Variants in TRERF1 observed in about 807,000 individuals in gnomAD.
TRERF1 encodes the protein transcriptional regulating factor 1.
Under a neutral mutation model 122.9 loss-of-function variants are expected in TRERF1, and 27 were observed. That is an observed-to-expected ratio of 0.22 (90% CI 0.16 to 0.30). TRERF1 has a LOEUF of 0.30. Ranked by LOEUF, TRERF1 falls within the 10% of genes least tolerant of loss-of-function variation. TRERF1 has a pLI of 1.00. For missense variants in TRERF1, 1,248 were observed against 1,560.3 expected (o/e 0.80, Z 3.37); for synonymous variants, 636 against 641.7 (o/e 0.99, Z 0.13).
chr6:42,269,113 T>G lies in TRERF1; in HGVS notation c.478A>C (p.Asn160His). 1 of 1,614,220 alleles carries G rather than the reference T, an allele frequency of 6.2e-7. No individual in the cohort carries two copies. The stretch of plus-strand genomic sequence containing the variant: ...GTGTGCAGCACCTGGGCCATATTGT[T>G]GACCTGAATTCGCAGGTTTTGGTTG... Residue 160 changes from asparagine to histidine, a missense_variant, in exon 5 of 18, where the codon AAC becomes CAC. Around this residue, in one of 5 missense-constraint regions of TRERF1, gnomAD observed 946 missense variants for 1,073.0 expected, o/e 0.88. Transcript: ENST00000372922. The surrounding 1 kb of genome is among the most constrained non-coding windows in gnomAD (Gnocchi z 4.9).
chr6:42,287,743 C>A (rs1235783641), intron 4 of TRERF1, among the ~76,000 whole-genome samples: 1 of 152,190 alleles, frequency 6.6e-6, no homozygotes, highest in African/African-American at 2.4e-5. Context: ...TCCTGCACAG[C>A]CTTTCCCTGG....
chr6:42,447,451 A>T (rs1362161757), intron 2 of TRERF1, among the ~76,000 whole-genome samples: 1 of 152,226 alleles, frequency 6.6e-6, no homozygotes, highest in Non-Finnish European at 1.5e-5. Flanking sequence ...TCCTCTCTCC[A>T]CAAAAGAAAT....
intron 5 of TRERF1, among the ~76,000 whole-genome samples, chr6:42,266,890 T>C (rs1356158088): frequency 1.3e-5 from 2 of 152,240 alleles, no homozygotes; most frequent in Non-Finnish European, 2.9e-5. Flanking sequence ...ATCTGCTCTC[T>C]AGTTCACAGT....
chr6:42,388,736 T>A (rs950736780), intron 2 of TRERF1, among the ~76,000 whole-genome samples: 2 of 152,080 alleles, frequency 1.3e-5, no homozygotes, highest in African/African-American at 4.8e-5. Context: ...ATCGGCTTGG[T>A]TTTTAAAAAT....
chr6:42,410,638 C>T (rs1780977382), intron 2 of TRERF1, among the ~76,000 whole-genome samples: 1 of 152,164 alleles, frequency 6.6e-6, no homozygotes, highest in Admixed American at 6.5e-5. Context: ...TCAGTCCCCC[C>T]TCCCTCCATC....
intron 3 of TRERF1, among the ~76,000 whole-genome samples, chr6:42,328,010 T>C (rs1764600416): frequency 1.5e-5 from 2 of 137,098 alleles, no homozygotes; most frequent in East Asian, 3.3e-4. Context: ...CTTTCTTTTT[T>C]TTTTTTTTTT....
intron 10 of TRERF1, among the ~76,000 whole-genome samples, chr6:42,257,472 A>C (rs1776986762): frequency 1.3e-5 from 2 of 152,244 alleles, no homozygotes; most frequent in South Asian, 4.1e-4. Flanking sequence ...TATCTCTTTC[A>C]GATCACTTTC....
chr6:42,237,173 G>C (rs1363078543), intron 15 of TRERF1, among the ~76,000 whole-genome samples: 1 of 152,164 alleles, frequency 6.6e-6, no homozygotes, highest in Admixed American at 6.5e-5. Context: ...CTGCTTCTAT[G>C]GCCACTCTCC....
chr6:42,283,764 G>A (rs972656868), intron 4 of TRERF1, among the ~76,000 whole-genome samples: 4 of 151,872 alleles, frequency 2.6e-5, no homozygotes, highest in Non-Finnish European at 4.4e-5. Context: ...TTACAGGCAT[G>A]CGCCACCGTG....
chr6:42,374,150 A>AAAG (rs762812010), intron 2 of TRERF1, among the ~76,000 whole-genome samples: 22,436 of 143,632 alleles, frequency 0.16, 2,230 homozygotes, highest in East Asian at 0.36. Flanking sequence ...AAAAAAAAAA[A>AAAG]AAGAAGAAGA....
chr6:42,358,582 A>G (rs1191385252), intron 3 of TRERF1, among the ~76,000 whole-genome samples: 3 of 152,252 alleles, frequency 2.0e-5, no homozygotes, highest in Non-Finnish European at 2.9e-5. Context: ...CAGAAAAATA[A>G]GAACAATGTA....
chr6:42,268,916 C>T lies in TRERF1; in HGVS notation c.675G>A (p.Gln225=), dbSNP rs1476506298. The T allele has an allele frequency of 6.2e-7, 1 of 1,612,816 alleles. No individual in the cohort carries two copies. The highest frequency in any genetic ancestry group is 1.7e-5 in the Admixed American group (1 of 59,972). Residue 225 remains glutamine (Q), a synonymous_variant, in exon 5 of 18, where the codon CAG becomes CAA. Transcript: ENST00000372922. The surrounding 1 kb of genome is among the most constrained non-coding windows in gnomAD (Gnocchi z 4.4). ...AATACAGGTGCCCTTGGGTAGGGTGCTGCCCGACCTGAAGAGCTGGTTTGG... is the reference window on the plus strand; with the variant it reads ...AATACAGGTGCCCTTGGGTAGGGTGTTGCCCGACCTGAAGAGCTGGTTTGG...
intron 4 of TRERF1, among the ~76,000 whole-genome samples, chr6:42,298,873 C>T (rs1444298861): frequency 6.6e-6 from 1 of 151,938 alleles, no homozygotes; most frequent in Non-Finnish European, 1.5e-5. Flanking sequence ...CCAGGAGGTG[C>T]AGGTTGCAGG....
intron 15 of TRERF1, among the ~76,000 whole-genome samples, chr6:42,242,742 A>C (rs936246044): frequency 3.3e-5 from 5 of 152,226 alleles, no homozygotes; most frequent in African/African-American, 9.7e-5. Flanking sequence ...AATCATCTAC[A>C]TGCAGCGAAT....
At chr6:42,352,697 T>C (rs1769696690) in intron 3 of TRERF1, among the ~76,000 whole-genome samples, 1 of 152,174 alleles carries the variant, frequency 6.6e-6, no homozygotes, top group South Asian at 2.1e-4. Flanking sequence ...TAAAGAGCCC[T>C]TGTGAGCCAA....
chr6:42,381,123 C>T (rs1306032319), intron 2 of TRERF1, among the ~76,000 whole-genome samples: 1 of 152,088 alleles, frequency 6.6e-6, no homozygotes, highest in Non-Finnish European at 1.5e-5. Context: ...CCTGCACCTC[C>T]TTCTATGCCT....
intron 2 of TRERF1, among the ~76,000 whole-genome samples, chr6:42,400,286 T>A (rs1779198761): frequency 6.6e-6 from 1 of 152,186 alleles, no homozygotes; most frequent in East Asian, 1.9e-4. Context: ...CGGCTCCATG[T>A]GATACAACCC....
chr6:42,298,356 A>T (rs759886855), intron 4 of TRERF1, among the ~76,000 whole-genome samples: 1 of 151,684 alleles, frequency 6.6e-6, no homozygotes, highest in Non-Finnish European at 1.5e-5. Flanking sequence ...GGGTTTCACC[A>T]TGTTGGCCAG....
intron 8 of TRERF1, among the ~76,000 whole-genome samples, chr6:42,260,127 G>A (rs1315582878): frequency 1.3e-5 from 2 of 152,030 alleles, no homozygotes; most frequent in Admixed American, 6.6e-5. Context: ...TCTGAGAAGG[G>A]GACAGAATAA....
Sources: gnomAD v4.1 joint callset for allele counts (sites outside exome capture counted in the v4.1 genomes callset) on GRCh38, gnomAD v4.1.1 for gene constraint, gnomAD v4.1.1 regional missense constraint, Gnocchi (gnomAD v3.1) non-coding constraint, MANE v1.5 for transcripts, NCBI Gene and HGNC (gene_info 2026-07-23, HGNC 2026-07-21) for gene names.